The following FRMD6 variants were observed in gnomAD, a reference collection of about 807,000 sequenced individuals.
The protein encoded by FRMD6 is FERM domain containing 6.
FRMD6 carries 37 observed loss-of-function variants against 73.2 expected under a neutral mutation model. The ratio of observed to expected loss-of-function variants is 0.51; its 90% CI spans 0.39 to 0.66. FRMD6 has a LOEUF of 0.66. Among genes scored for constraint, FRMD6 ranks in the 30% least tolerant of loss-of-function variants. FRMD6 has a pLI of 0.00. For missense variants in FRMD6, 714 were observed against 780.5 expected (o/e 0.91, Z 1.02); for synonymous variants, 273 against 282.2 (o/e 0.97, Z 0.33).
chr14:51,698,549 G>T (rs928913213), intron 3 of FRMD6, among the ~76,000 whole-genome samples: 3 of 151,978 alleles, frequency 2.0e-5, no homozygotes, highest in African/African-American at 7.2e-5. Context: ...TTGTTTCCTT[G>T]CATTCAGGGA....
intron 1 of FRMD6, among the ~76,000 whole-genome samples, chr14:51,653,204 A>G (rs1287474324): frequency 6.9e-6 from 1 of 143,944 alleles, no homozygotes; most frequent in Non-Finnish European, 1.5e-5. Context: ...GGATTTTCCG[A>G]GTATGATTCC....
At chr14:51,627,084 C>T (rs1891145118) in intron 2 of FRMD6, among the ~76,000 whole-genome samples, 1 of 152,010 alleles carries the variant, frequency 6.6e-6, no homozygotes, top group African/African-American at 2.4e-5. Context: ...TTTTTATATG[C>T]CTTTAGAACT....
At chr14:51,507,571 CCA>C (rs1884044364) in intron 1 of FRMD6, among the ~76,000 whole-genome samples, 2 of 152,252 alleles carry the variant, frequency 1.3e-5, no homozygotes, top group African/African-American at 2.4e-5. Context: ...ATCAGGAATT[CCA>C]GTCTGGCTGA....
At chr14:51,403,345 C>CAAGT in the FRMD6 span, among the ~76,000 whole-genome samples, 1 of 152,056 alleles carries the variant, frequency 6.6e-6, no homozygotes, top group Admixed American at 6.6e-5. Context: ...TTAGTTTTAC[C>CAAGT]TGTATTTGAA....
the FRMD6 span, among the ~76,000 whole-genome samples, chr14:51,419,921 ATGGGACTTCCTGCCCTCGTTAGG>A: frequency 6.7e-6 from 1 of 149,468 alleles, no homozygotes; most frequent in African/African-American, 2.6e-5. Context: ...AGGTGTGGTC[ATGGGACTTCCTGCCCTCGTTAGG>A]TGTGGTCATG....
At chr14:51,651,200 G>C (rs1466704444), upstream of FRMD6, 1 of 152,376 alleles carries the variant, frequency 6.6e-6, no homozygotes, top group Non-Finnish European at 1.5e-5. Context: ...AGCAGACAGA[G>C]GCTGTGTCTA....
intron 1 of FRMD6, among the ~76,000 whole-genome samples, chr14:51,500,249 C>T (rs1386900632): frequency 6.6e-6 from 1 of 151,990 alleles, no homozygotes; most frequent in Admixed American, 6.6e-5. Context: ...TGTATGTAGG[C>T]CGGGCGTGGT....
intron 1 of FRMD6, among the ~76,000 whole-genome samples, chr14:51,494,040 A>T (rs966941536): frequency 1.3e-5 from 2 of 152,164 alleles, no homozygotes; most frequent in Non-Finnish European, 2.9e-5. Context: ...AAGGGCACTA[A>T]TCCCAATTAT....
At chr14:51,568,038 G>T (rs1887874414) in intron 1 of FRMD6, among the ~76,000 whole-genome samples, 1 of 152,208 alleles carries the variant, frequency 6.6e-6, no homozygotes, top group Non-Finnish European at 1.5e-5. Flanking sequence ...ACATCTGTAG[G>T]CATCTTGCCT....
At chr14:51,555,032 A>G (rs899937668) in intron 1 of FRMD6, among the ~76,000 whole-genome samples, 92 of 152,274 alleles carry the variant, frequency 6.0e-4, no homozygotes, top group African/African-American at 2.2e-3. Flanking sequence ...CCTGGCCTGC[A>G]CTAGGAAATA....
intron 1 of FRMD6, among the ~76,000 whole-genome samples, chr14:51,676,936 T>C (rs762545555): frequency 6.6e-6 from 1 of 152,178 alleles, no homozygotes; most frequent in South Asian, 2.1e-4. Flanking sequence ...TTTTGAACTT[T>C]CTTTTTTTCT....
At chr14:51,550,405 G>A (rs1357012735) in intron 1 of FRMD6, among the ~76,000 whole-genome samples, 2 of 152,100 alleles carry the variant, frequency 1.3e-5, no homozygotes, top group African/African-American at 4.8e-5. Flanking sequence ...TGCATTCAAT[G>A]AATTGTTGGA....
chr14:51,579,128 A>AT (rs1457049770), intron 2 of FRMD6: 1 of 152,058 alleles, frequency 6.6e-6, no homozygotes, highest in African/African-American at 2.4e-5. Context: ...AGGAAAACAT[A>AT]AGGGAGGAGG....
intron 1 of FRMD6, among the ~76,000 whole-genome samples, chr14:51,549,806 A>G (rs1004575332): frequency 2.0e-5 from 3 of 151,884 alleles, no homozygotes; most frequent in African/African-American, 4.8e-5. Flanking sequence ...CGTGTTAGCC[A>G]GGATGATCTC....
At chr14:51,435,075 G>A in the FRMD6 span, among the ~76,000 whole-genome samples, 1 of 152,116 alleles carries the variant, frequency 6.6e-6, no homozygotes, top group Admixed American at 6.5e-5. Context: ...ATCCTGGATC[G>A]TACCAGTAAA....
the FRMD6 span, among the ~76,000 whole-genome samples, chr14:51,425,503 G>A: frequency 1.2e-4 from 19 of 152,150 alleles, no homozygotes; most frequent in Admixed American, 3.3e-4. Context: ...TCTTCTGGGC[G>A]CCCACTGGCT....
At chr14:51,718,724 C>G (rs1018904745) in intron 10 of FRMD6, among the ~76,000 whole-genome samples, 4 of 152,178 alleles carry the variant, frequency 2.6e-5, no homozygotes, top group Admixed American at 2.6e-4. Flanking sequence ...TCTGTAGCAA[C>G]ACATACTCAC....
chr14:51,430,631 A>C, the FRMD6 span, among the ~76,000 whole-genome samples: 3 of 151,912 alleles, frequency 2.0e-5, no homozygotes, highest in Non-Finnish European at 2.9e-5. Context: ...AACAAAAAAA[A>C]CCCTCTGTTC....
upstream of FRMD6, among the ~76,000 whole-genome samples, chr14:51,484,711 G>C (rs550568590): frequency 2.6e-5 from 4 of 152,350 alleles, no homozygotes; most frequent in African/African-American, 7.2e-5. Flanking sequence ...GGCTGGAAGA[G>C]AGCCTAGGAA....
Sources: allele counts gnomAD v4.1 joint callset (sites outside exome capture counted in the v4.1 genomes callset), GRCh38; gene constraint gnomAD v4.1.1; transcripts MANE v1.5; gene names NCBI Gene and HGNC (gene_info 2026-07-23, HGNC 2026-07-21).